Variants in GOLGA8B observed in about 807,000 individuals in gnomAD.
The protein encoded by GOLGA8B is golgin subfamily A member 8B.
In GOLGA8B, 1 loss-of-function variant was observed where a neutral mutation model predicts 15.6. The observed-to-expected ratio is 0.06, with a 90% CI of 0.02 to 0.30. The LOEUF (loss-of-function observed/expected upper bound fraction) is 0.30. Among genes scored for constraint, GOLGA8B ranks in the 10% least tolerant of loss-of-function variants. The pLI, the probability that GOLGA8B is intolerant of heterozygous loss-of-function variation, is 1.00. For synonymous variants in GOLGA8B, 9 were observed against 80.3 expected (o/e 0.11, Z 4.75); for missense variants, 17 against 201.3 (o/e 0.08, Z 5.54).
At position 34,574,173 on chromosome 15, in the gene GOLGA8B, T is replaced by A. The variant is rs574325698; in HGVS notation, c.-1123+9343A>T. On this transcript the variant is annotated intron_variant, in intron 1 of 23. Transcript: ENST00000683415. ...CTGAAATTCAGGTTTGGGAAATCAG[T>A]TGACATGAACCACAACATAATATTA... Among the ~76,000 whole-genome samples, 7 of 152,276 alleles carry A rather than the reference T, an allele frequency of 4.6e-5. No homozygotes were observed. The South Asian group carries it at 1.5e-3, about 32-fold the overall frequency.
chr15:34,563,493 T>C (rs1292305528), intron 1 of GOLGA8B, among the ~76,000 whole-genome samples: 1 of 148,884 alleles, frequency 6.7e-6, no homozygotes, highest in African/African-American at 2.5e-5. Flanking sequence ...GCTTCATTAA[T>C]TAACCATTTC....
intron 1 of GOLGA8B, among the ~76,000 whole-genome samples, chr15:34,561,005 G>A (rs79496521): frequency 0.073 from 9,825 of 135,290 alleles, 162 homozygotes; most frequent in East Asian, 0.18. Flanking sequence ...GGCTGTAAGC[G>A]GCGGAGCTTC....
intron 1 of GOLGA8B, among the ~76,000 whole-genome samples, chr15:34,573,637 T>C (rs1888986608): frequency 6.6e-6 from 1 of 152,036 alleles, no homozygotes; most frequent in Non-Finnish European, 1.5e-5. Flanking sequence ...AAAACATGCT[T>C]TAAAGTCCAA....
intron 1 of GOLGA8B, among the ~76,000 whole-genome samples, chr15:34,573,702 C>A (rs1002575487): frequency 2.0e-5 from 3 of 152,102 alleles, no homozygotes; most frequent in Admixed American, 1.3e-4. Context: ...CAGAGGAAAT[C>A]TAAAAATTCT....
intron 1 of GOLGA8B, among the ~76,000 whole-genome samples, chr15:34,566,968 G>A (rs1412298792): frequency 8.7e-6 from 1 of 114,652 alleles, no homozygotes; most frequent in African/African-American, 3.6e-5. Flanking sequence ...GGCTGAAAGC[G>A]TCACCCAAGT....
intron 1 of GOLGA8B, among the ~76,000 whole-genome samples, chr15:34,578,164 C>T (rs927609176): frequency 6.6e-6 from 1 of 152,056 alleles, no homozygotes; most frequent in Non-Finnish European, 1.5e-5. Context: ...CACAACCAAG[C>T]GTCTCTCTGC....
rs36106641 is a variant in GOLGA8B at position 34,526,212 on chromosome 15, T to C, written c.*1420A>G. ...TATAGACATGTTTCCTGATAATACATTGACATTCACAAACAGTAGATTGCA... is the reference window on the plus strand; with the variant it reads ...TATAGACATGTTTCCTGATAATACACTGACATTCACAAACAGTAGATTGCA... On this transcript the variant is annotated 3_prime_UTR_variant, in exon 24 of 24. Coordinates refer to ENST00000683415, the MANE Select transcript of GOLGA8B (RefSeq NM_001023567.5). 16,164 of 149,832 alleles carry C rather than the reference T, an allele frequency of 0.11. 2,115 individuals carry two copies. The highest frequency in any genetic ancestry group is 0.27 in the East Asian group (1,353 of 5,080). 9.3% of individuals were successfully genotyped at this position (149,832 alleles called of 1,614,324 possible).
At chr15:34,567,957 G>A (rs1325274633) in intron 1 of GOLGA8B, among the ~76,000 whole-genome samples, 6 of 151,398 alleles carry the variant, frequency 4.0e-5, no homozygotes, top group Non-Finnish European at 8.8e-5. Flanking sequence ...TCCCAAACTG[G>A]AAGGAAGGAT....
chr15:34,566,628 G>C (rs575745149), intron 1 of GOLGA8B, among the ~76,000 whole-genome samples: 1 of 146,102 alleles, frequency 6.8e-6, no homozygotes, highest in Admixed American at 6.8e-5. Flanking sequence ...GGAGCACGCA[G>C]AACCTCTTAT....
chr15:34,578,774 A>T (rs1262337993), intron 1 of GOLGA8B, among the ~76,000 whole-genome samples: 3 of 152,228 alleles, frequency 2.0e-5, no homozygotes, highest in African/African-American at 7.2e-5. Context: ...TTTCCAGACA[A>T]CTAGAGATGA....
Position 34,556,902 on chromosome 15 carries a change from G to A in GOLGA8B, c.-1122-2946C>T, listed in dbSNP as rs193081798. On this transcript the variant is annotated intron_variant, in intron 1 of 23. Transcript: ENST00000683415. ...GTACAGGCCTCGCAGATGCTGAAGC[G>A]AGGAGGTGGGCAGTACTGGGTGCCT... The A allele has an allele frequency of 3.1e-4, 286 of 917,288 alleles. 23 individuals are homozygous for A. The African/African-American group carries it at 3.8e-3, about 12-fold the overall frequency. The allele number at this position is 917,288 out of a possible 1,614,324, so 56.8% of individuals were successfully genotyped here.
intron 1 of GOLGA8B, among the ~76,000 whole-genome samples, chr15:34,581,230 C>CGGAGA (rs1289656936): frequency 6.6e-6 from 1 of 152,188 alleles, no homozygotes; most frequent in Non-Finnish European, 1.5e-5. Context: ...CGAGGAGTGC[C>CGGAGA]GGAGAGGAGC....
intron 1 of GOLGA8B, among the ~76,000 whole-genome samples, chr15:34,572,051 G>C (rs76138015): frequency 6.6e-6 from 1 of 152,218 alleles, no homozygotes; most frequent in African/African-American, 2.4e-5. Flanking sequence ...ATTAAGCACA[G>C]AAGAAACAGC....
At chr15:34,569,007 T>C (rs940712027) in intron 1 of GOLGA8B, among the ~76,000 whole-genome samples, 8 of 149,970 alleles carry the variant, frequency 5.3e-5, no homozygotes, top group African/African-American at 1.8e-4. Context: ...AGGCCTCCCA[T>C]GTCCCAGGAG....
At chr15:34,564,489 G>A (rs1272164013) in intron 1 of GOLGA8B, among the ~76,000 whole-genome samples, 5 of 146,348 alleles carry the variant, frequency 3.4e-5, no homozygotes, top group Non-Finnish European at 6.2e-5. Context: ...ACATTCAAAC[G>A]GTAGCAAATT....
intron 1 of GOLGA8B, among the ~76,000 whole-genome samples, chr15:34,569,809 G>A (rs902964701): frequency 1.3e-5 from 2 of 150,716 alleles, no homozygotes. Flanking sequence ...GCAACTGGCA[G>A]CTCCTGCAGG....
chr15:34,564,357 A>T (rs866441003), intron 1 of GOLGA8B, among the ~76,000 whole-genome samples: 363 of 138,148 alleles, frequency 2.6e-3, no homozygotes, highest in African/African-American at 0.01. Context: ...TAGATTCTTA[A>T]AAAAAAAAAA....
At position 34,528,142 on chromosome 15, in the gene GOLGA8B, ACACCCCCACCCCACCCC is replaced by A. The variant is rs1261848998; in HGVS notation, c.1453+30_1453+46del. On this transcript the variant is annotated intron_variant, in intron 22 of 23. Coordinates refer to ENST00000683415, the MANE Select transcript of GOLGA8B (RefSeq NM_001023567.5). The stretch of plus-strand genomic sequence containing the variant: ...GCCCACCCTCATGCCCACCCCACCC[ACACCCCCACCCCACCCC>A]CACCCCCACAGGGATGTTGCACACC... The A allele has an allele frequency of 2.3e-4, 96 of 422,904 alleles. 7 individuals are homozygous for A. In the African/African-American group the frequency reaches 4.0e-3, roughly 18 times the overall value. The allele number at this position is 422,904 out of a possible 1,614,324, so 26.2% of individuals were successfully genotyped here.
In GOLGA8B at chr15:34,543,325, G is replaced by A. The variant is rs1888242324; in HGVS notation, c.-382+1533C>T. The stretch of plus-strand genomic sequence containing the variant: ...ATTAGCTGGGAGTATAGGCAGGTAG[G>A]TGCCCCATACACAGCTTTTTTCTTC... On this transcript the variant is annotated intron_variant, in intron 7 of 23. Coordinates refer to ENST00000683415, the MANE Select transcript of GOLGA8B (RefSeq NM_001023567.5). Among the ~76,000 whole-genome samples the A allele has an allele frequency of 2.1e-5, 3 of 146,332 alleles. No individual in the cohort carries two copies. The South Asian group carries it at 6.6e-4, about 32-fold the overall frequency.
Sources: allele counts gnomAD v4.1 joint callset (sites outside exome capture counted in the v4.1 genomes callset), GRCh38; gene constraint gnomAD v4.1.1; transcripts MANE v1.5; gene names NCBI Gene and HGNC (gene_info 2026-07-23, HGNC 2026-07-21).